Variants in TRAK1 observed in about 807,000 individuals in gnomAD.
The protein encoded by TRAK1 is trafficking kinesin protein 1.
TRAK1 carries 33 observed loss-of-function variants against 92.1 expected under a neutral mutation model. The ratio of observed to expected loss-of-function variants is 0.36; its 90% CI spans 0.27 to 0.48. The LOEUF (loss-of-function observed/expected upper bound fraction) is 0.48, where lower values mean the gene tolerates loss of function less well. TRAK1 is among the 20% of genes least tolerant of loss of function. The pLI is 0.99. For missense variants in TRAK1, 1,123 were observed against 1,257.9 expected, an observed-to-expected ratio of 0.89 and a Z score of 1.62; for synonymous variants, 521 against 517.3, an observed-to-expected ratio of 1.01 and a Z score of -0.10.
rs373827554 is a variant in TRAK1 at position 42,091,612 on chromosome 3, C to T, written c.91+52C>T. 1.8e-4 allele frequency: 273 copies of T among 1,557,846 alleles called. No homozygotes were observed. In the African/African-American group the frequency reaches 3.0e-3, roughly 17 times the overall value. ...CTGTCTGTTTTCTTTGTGGTGTGGT[C>T]GGAAAGGAGAAAAGACCACAGGAGA... On this transcript the variant is annotated intron_variant, in intron 1 of 15. Coordinates refer to ENST00000327628, the MANE Select transcript of TRAK1 (RefSeq NM_001042646.3).
chr3:42,222,821 G>T (rs1261118233), intron 15 of TRAK1, 121 bp from the exon 16 acceptor site: 24 of 1,021,218 alleles, frequency 2.4e-5, no homozygotes, highest in Non-Finnish European at 3.3e-5. Context: ...GGCCTCAGCT[G>T]GTGGAACCCT....
chr3:42,201,349 ACTCAGGAGG>A (rs1429698057), intron 12 of TRAK1, among the ~76,000 whole-genome samples: 1 of 152,078 alleles, frequency 6.6e-6, no homozygotes, highest in Non-Finnish European at 1.5e-5. Context: ...AATCTCAGCT[ACTCAGGAGG>A]CTGAGGCAGG....
At chr3:42,126,429 T>C (rs1710569833) in intron 2 of TRAK1, among the ~76,000 whole-genome samples, 1 of 152,118 alleles carries the variant, frequency 6.6e-6, no homozygotes, top group Non-Finnish European at 1.5e-5. Flanking sequence ...TGATACCTGG[T>C]AGGATAAGCA....
At chr3:42,138,458 C>T (rs1336503334) in intron 2 of TRAK1, among the ~76,000 whole-genome samples, 1 of 152,030 alleles carries the variant, frequency 6.6e-6, no homozygotes, top group Non-Finnish European at 1.5e-5. Flanking sequence ...AAAAAATAAG[C>T]TTTCTCCTTC....
At position 42,223,725 on chromosome 3, in the gene TRAK1, T is replaced by C; in HGVS notation, c.2850T>C (p.Thr950=). The change falls in exon 16 of 16, where the codon ACT becomes ACC. Residue 950 remains threonine, a synonymous_variant. Coordinates refer to ENST00000327628, the MANE Select transcript of TRAK1 (RefSeq NM_001042646.3). The surrounding 1 kb of genome is among the most constrained non-coding windows in gnomAD (Gnocchi z 6.1). ...ILMGAKLSKQ[T]SLR ...TGGGTGCTAAGCTCTCCAAACAAAC[T>C]AGCTTACGGTGAGGACTGGAGGGGG... 1 of 1,602,894 alleles carries C rather than the reference T, an allele frequency of 6.2e-7. No homozygotes were observed. The highest frequency in any genetic ancestry group is 8.5e-7 in the Non-Finnish European group (1 of 1,171,104).
chr3:42,198,511 C>A (rs1007920046), intron 10 of TRAK1, among the ~76,000 whole-genome samples: 1 of 152,190 alleles, frequency 6.6e-6, no homozygotes, highest in African/African-American at 2.4e-5. Flanking sequence ...GTGAGAGGAA[C>A]TTCCCTTGCA....
In TRAK1 at chr3:42,050,342, G is replaced by A. The variant is rs56070652; in HGVS notation, c.-519+36225G>A. ...TGCAGTGGAGAAGGGACCATTGCCC[G>A]GGCGTTCAGGAAGGTGAGGACCTGC... On this transcript the variant is annotated intron_variant, in intron 1 of 16. Coordinates refer to the TRAK1 transcript ENST00000487159. Among the ~76,000 whole-genome samples the A allele has an allele frequency of 4.2e-3, 643 of 152,230 alleles. 5 individuals are homozygous for A. Among genetic ancestry groups the A allele is most frequent in the African/African-American group, 0.015 (605 of 41,538 alleles).
intron 2 of TRAK1, among the ~76,000 whole-genome samples, chr3:42,147,159 T>A (rs532295618): frequency 6.6e-6 from 1 of 151,960 alleles, no homozygotes; most frequent in East Asian, 1.9e-4. Flanking sequence ...GAGGGAGAGA[T>A]GAGATGTGTC....
At chr3:42,132,592 G>GT (rs1050286446) in intron 2 of TRAK1, among the ~76,000 whole-genome samples, 4 of 152,022 alleles carry the variant, frequency 2.6e-5, no homozygotes, top group South Asian at 2.1e-4. Context: ...ATTTTATATT[G>GT]TTTTTTTCCC....
At chr3:42,108,407 T>C (rs911967713) in intron 1 of TRAK1, among the ~76,000 whole-genome samples, 2 of 149,492 alleles carry the variant, frequency 1.3e-5, no homozygotes, top group East Asian at 2.0e-4. Flanking sequence ...GGGAAAATCA[T>C]CTGAGCCCAG....
intron 3 of TRAK1, among the ~76,000 whole-genome samples, chr3:42,178,666 A>G (rs1703550162): frequency 6.6e-6 from 1 of 152,016 alleles, no homozygotes; most frequent in South Asian, 2.1e-4. Flanking sequence ...GCTGATATTA[A>G]ACTCTGAGGC....
Position 42,224,041 on chromosome 3 carries a change from T to G in TRAK1, c.*304T>G. 1.8e-6 allele frequency: 1 copy of G among 555,776 alleles called. No homozygotes were observed. The highest frequency in any genetic ancestry group is 3.4e-6 in the Non-Finnish European group (1 of 292,020). 34.4% of individuals were successfully genotyped at this position (555,776 alleles called of 1,614,324 possible). ...GCTAACCTGGGGGAAGGTGGGGTCCTTTCTTCTTTCCTTTTGAGAAGCACT... is the reference window on the plus strand; with the variant it reads ...GCTAACCTGGGGGAAGGTGGGGTCCGTTCTTCTTTCCTTTTGAGAAGCACT... On this transcript the variant is annotated 3_prime_UTR_variant, in exon 16 of 16. Coordinates refer to ENST00000327628, the MANE Select transcript of TRAK1 (RefSeq NM_001042646.3).
At chr3:42,185,982 T>TTTTA (rs1239929979) in intron 4 of TRAK1, among the ~76,000 whole-genome samples, 1 of 69,644 alleles carries the variant, frequency 1.4e-5, no homozygotes, top group African/African-American at 4.6e-5. Flanking sequence ...CCTTTTTTTT[T>TTTTA]TTTTTTTTTT....
intron 1 of TRAK1, among the ~76,000 whole-genome samples, chr3:42,092,706 GTGTTGTGTTA>G (rs1262283449): frequency 3.1e-3 from 297 of 94,348 alleles, no homozygotes; most frequent in East Asian, 5.1e-3. Flanking sequence ...GTGTTGTGTT[GTGTTGTGTTA>G]TGTTATGTTA....
intron 15 of TRAK1, among the ~76,000 whole-genome samples, chr3:42,222,658 T>C (rs1045709209): frequency 3.9e-5 from 6 of 152,194 alleles, no homozygotes; most frequent in Non-Finnish European, 7.3e-5. Flanking sequence ...AGTAAACCCT[T>C]AGCTCTGAGC....
At chr3:42,124,703 T>G (rs1408033396) in intron 1 of TRAK1, among the ~76,000 whole-genome samples, 1 of 152,198 alleles carries the variant, frequency 6.6e-6, no homozygotes, top group Non-Finnish European at 1.5e-5. Context: ...AGACACTTAA[T>G]AAGTGTAGTA....
chr3:42,136,987 A>G (rs1011674024), intron 2 of TRAK1, among the ~76,000 whole-genome samples: 4 of 152,286 alleles, frequency 2.6e-5, no homozygotes, highest in South Asian at 2.1e-4. Flanking sequence ...ACAAAATAAT[A>G]TTTCTATCAC....
rs1484246575 is a variant in TRAK1 at position 42,223,482 on chromosome 3, G to A, written c.2607G>A (p.Glu869=). Residue 869 remains glutamate, a synonymous_variant, in exon 16 of 16, where the codon GAG becomes GAA. Transcript: ENST00000327628. The surrounding 1 kb of genome is among the most constrained non-coding windows in gnomAD (Gnocchi z 6.1). Reference sequence around the variant, plus strand: ...CCCATGTCCCCACCTTGACTGAGGAGCAGGGACCCCTCCTCTGTGGGCCCC... The same window carrying A: ...CCCATGTCCCCACCTTGACTGAGGAACAGGGACCCCTCCTCTGTGGGCCCC... The part of the protein sequence containing the change: ...GRAHVPTLTE[E]QGPLLCGPPG... 5 of 1,613,800 alleles carry A rather than the reference G, an allele frequency of 3.1e-6. No homozygotes were observed. The highest frequency in any genetic ancestry group is 2.2e-5 in the East Asian group (1 of 44,858).
intron 14 of TRAK1, among the ~76,000 whole-genome samples, chr3:42,215,048 C>T (rs1709509592): frequency 1.3e-5 from 2 of 152,240 alleles, no homozygotes; most frequent in Admixed American, 1.3e-4. Flanking sequence ...GAATCCCTAA[C>T]ATAGTACTTG....
Sources: gnomAD v4.1 joint callset for allele counts (sites outside exome capture counted in the v4.1 genomes callset) on GRCh38, gnomAD v4.1.1 for gene constraint, Gnocchi (gnomAD v3.1) non-coding constraint, MANE v1.5 for transcripts, NCBI Gene and HGNC (gene_info 2026-07-23, HGNC 2026-07-21) for gene names.